ZNF286A: variants seen among roughly 807,000 people sequenced by gnomAD.
The protein encoded by ZNF286A is zinc finger protein ZNF286.
Under a neutral mutation model 49.3 loss-of-function variants are expected in ZNF286A, and 34 were observed. The ratio of observed to expected loss-of-function variants is 0.69; its 90% CI spans 0.52 to 0.92. ZNF286A has a LOEUF of 0.92. ZNF286A is among the 40% of genes least tolerant of loss of function. ZNF286A has a pLI of 0.00. For missense variants in ZNF286A, 462 were observed against 600.2 expected (o/e 0.77, Z 2.41); for synonymous variants, 155 against 200.4 (o/e 0.77, Z 1.91).
At chr17:15,709,858 T>C (rs1021324472) in intron 5 of ZNF286A, 9 of 1,547,446 alleles carry the variant, frequency 5.8e-6, no homozygotes, top group Non-Finnish European at 7.9e-6. Flanking sequence ...TATGTTCATC[T>C]TGAGAGCTGG....
rs1967146368 is a variant in ZNF286A, at chr17:15,717,807, C to A, written c.*517C>A. 6.4e-6 allele frequency: 1 copy of A among 156,378 alleles called. No homozygotes were observed. The highest frequency in any genetic ancestry group is 2.4e-5 in the African/African-American group (1 of 41,374). 9.7% of individuals were successfully genotyped at this position (156,378 alleles called of 1,614,324 possible). A position where few individuals can be genotyped will look rare whatever the true frequency, so the allele number is the denominator to read the frequency against. On this transcript the variant is annotated 3_prime_UTR_variant, in exon 6 of 6. Coordinates refer to ENST00000583566, the MANE Select transcript of ZNF286A (RefSeq NM_001130842.2). ...CCTTAAAAACCAAAAATGCTGGGTT[C>A]AAAGTCCTTAGAATTCCCTTCCTCC...
Position 15,716,860 on chromosome 17 carries a change from A to G in ZNF286A, c.1136A>G (p.Glu379Gly). The change falls in exon 6 of 6, where the codon GAG becomes GGG. Residue 379 changes from glutamate (E) to glycine (G), a missense_variant. Physicochemically the swap from Glu to Gly is moderately conservative, Grantham distance 98. Around this residue, in one of 3 missense-constraint regions of ZNF286A, gnomAD observed 201 missense variants for 311.3 expected, o/e 0.65. Transcript: ENST00000583566. ...AAACATCAAAGAACTCATACTGGAG[A>G]GAAACCTTATAAATGTCAAGAATGT... ...LIKHQRTHTG[E>G]KPYKCQECGK... is the part of the protein sequence containing the mutation. 2 of 1,607,890 alleles carry G rather than the reference A, an allele frequency of 1.2e-6. No individual in the cohort carries two copies. The highest frequency in any genetic ancestry group is 1.7e-6 in the Non-Finnish European group (2 of 1,177,514).
At chr17:15,712,486 A>G (rs1990746279) in intron 5 of ZNF286A, among the ~76,000 whole-genome samples, 1 of 152,198 alleles carries the variant, frequency 6.6e-6, no homozygotes, top group African/African-American at 2.4e-5. Context: ...ATAAGTCTAA[A>G]TTTCCCATCT....
rs374776604 is a variant in ZNF286A at position 15,707,432 on chromosome 17, T to TAA, written c.242-708_242-707dup. Among the ~76,000 whole-genome samples the TAA allele has an allele frequency of 1.3e-3, 166 of 131,868 alleles. 1 individual carries two copies. Among genetic ancestry groups the TAA allele is most frequent in the South Asian group, 5.5e-3 (23 of 4,206 alleles). The allele number at this position is 131,868 out of a possible 152,430, so 86.5% of individuals were successfully genotyped here. A position where few individuals can be genotyped will look rare whatever the true frequency, so the allele number is the denominator to read the frequency against. On this transcript the variant is annotated intron_variant, in intron 4 of 5. Transcript: ENST00000583566. The stretch of plus-strand genomic sequence containing the variant: ...TCCAGCCTTTTTGTAAGACTCTGTC[T>TAA]AAAAAAAAAAAAAAAATTAAAAAAG...
At chr17:15,706,312 A>G in intron 3 of ZNF286A, 75 bp from the exon 4 acceptor site, 1 of 1,237,776 alleles carries the variant, frequency 8.1e-7, no homozygotes, top group Middle Eastern at 1.9e-4. Flanking sequence ...CTTTTGCTCC[A>G]GGGCCAGCAG....
chr17:15,717,087 A>C lies in ZNF286A; in HGVS notation c.1363A>C (p.Lys455Gln), dbSNP rs900163213. 6.2e-7 allele frequency: 1 copy of C among 1,613,996 alleles called. No homozygotes were observed. The highest frequency in any genetic ancestry group is 1.7e-5 in the Admixed American group (1 of 60,002). ...KTFSRSSNFA[K>Q]HQRIHIGKKP... is the part of the protein sequence containing the mutation. ...CTTCAGCCGGAGCTCCAATTTTGCT[A>C]AACATCAAAGAATTCATATTGGAAA... is the stretch of plus-strand genomic sequence containing the variant. Residue 455 changes from lysine (K) to glutamine (Q), a missense_variant, in exon 6 of 6, where the codon AAA becomes CAA. Lys to Gln is a moderately conservative substitution (Grantham distance 53). Transcript: ENST00000583566.
chr17:15,711,231 A>T (rs765853806), intron 5 of ZNF286A: 8 of 151,952 alleles, frequency 5.3e-5, no homozygotes, highest in Non-Finnish European at 1.2e-4. Flanking sequence ...AATTTTTTAT[A>T]ATCTTTTTTT....
intron 3 of ZNF286A, among the ~76,000 whole-genome samples, chr17:15,705,586 G>A (rs1281855159): frequency 3.9e-5 from 6 of 152,008 alleles, no homozygotes; most frequent in Admixed American, 2.0e-4. Context: ...TTTTTGGAAT[G>A]TATTGAAATT....
At chr17:15,712,895 C>T (rs192461986) in intron 5 of ZNF286A, among the ~76,000 whole-genome samples, 20 of 152,246 alleles carry the variant, frequency 1.3e-4, no homozygotes, top group Admixed American at 9.8e-4. Flanking sequence ...TACTCATTAT[C>T]CCAACCTCAT....
chr17:15,712,145 T>A (rs1206644536), intron 5 of ZNF286A, among the ~76,000 whole-genome samples: 4 of 152,256 alleles, frequency 2.6e-5, no homozygotes, highest in African/African-American at 9.6e-5. Context: ...GTGCTGGGAT[T>A]ACAGGCGTGA....
chr17:15,709,927 T>C (rs1245295575), intron 5 of ZNF286A: 3 of 1,517,648 alleles, frequency 2.0e-6, no homozygotes, highest in Non-Finnish European at 2.7e-6. Context: ...TGTTTAGCTT[T>C]ACTAGGAACT....
intron 2 of ZNF286A, 198 bp downstream of exon 2, chr17:15,700,564 A>T: frequency 1.5e-6 from 1 of 657,542 alleles, no homozygotes; most frequent in East Asian, 2.7e-5. Flanking sequence ...CACACAGTGG[A>T]CCCTTCAAAG....
intron 3 of ZNF286A, chr17:15,704,579 C>T (rs1440976340): frequency 6.0e-5 from 97 of 1,614,078 alleles, no homozygotes; most frequent in Non-Finnish European, 8.2e-5. Context: ...TGTCGGATGC[C>T]CAGCTCAGCC....
chr17:15,714,915 T>C (rs866807773), intron 5 of ZNF286A, among the ~76,000 whole-genome samples: 31 of 152,156 alleles, frequency 2.0e-4, no homozygotes, highest in Middle Eastern at 6.8e-3. Context: ...CATGGCATCA[T>C]TGGAAAAACA....
In ZNF286A at chr17:15,718,908, A is replaced by C. The variant is rs1967224700; in HGVS notation, c.*1618A>C. The C allele has an allele frequency of 7.2e-6, 1 of 137,972 alleles. No homozygotes were observed. The highest frequency in any genetic ancestry group is 2.9e-5 in the African/African-American group (1 of 34,524). 8.5% of individuals were successfully genotyped at this position (137,972 alleles called of 1,614,324 possible). A position where few individuals can be genotyped will look rare whatever the true frequency, so the allele number is the denominator to read the frequency against. ...GCAAAGCCAGAGCAGGTATCTTCAC[A>C]GGGCTAGAGCAAGAGGAAAAGAGAG... On this transcript the variant is annotated 3_prime_UTR_variant, in exon 6 of 6. Transcript: ENST00000583566.
intron 3 of ZNF286A, chr17:15,704,728 C>T (rs1421394867): frequency 3.1e-6 from 5 of 1,613,804 alleles, no homozygotes; most frequent in Non-Finnish European, 4.2e-6. Flanking sequence ...GCGGAACAGA[C>T]CTCCAGCATA....
chr17:15,702,481 C>G (rs1438018495), intron 3 of ZNF286A, among the ~76,000 whole-genome samples: 2 of 149,232 alleles, frequency 1.3e-5, no homozygotes, highest in Non-Finnish European at 3.0e-5. Context: ...GGCTACTGCA[C>G]TCCAGCCTGG....
At chr17:15,715,261 C>CT (rs528506687) in intron 5 of ZNF286A, among the ~76,000 whole-genome samples, 170 of 150,558 alleles carry the variant, frequency 1.1e-3, no homozygotes, top group African/African-American at 3.5e-3. Context: ...ATTTGTACCC[C>CT]TTTTTTTTCT....
rs1397738606 is a variant in ZNF286A, at chr17:15,719,147, A to C, written c.*1857A>C. 8.2e-6 allele frequency: 1 copy of C among 122,468 alleles called. No homozygotes were observed. The highest frequency in any genetic ancestry group is 3.5e-5 in the African/African-American group (1 of 28,774). 7.6% of individuals were successfully genotyped at this position (122,468 alleles called of 1,614,324 possible). A position where few individuals can be genotyped will look rare whatever the true frequency, so the allele number is the denominator to read the frequency against. ...AAACTGTATCATTACTCAAAAAAAAAAAAAAAAAGAAAGAAAAGAAAACAC... is the reference window on the plus strand; with the variant it reads ...AAACTGTATCATTACTCAAAAAAAACAAAAAAAAGAAAGAAAAGAAAACAC... On this transcript the variant is annotated 3_prime_UTR_variant, in exon 6 of 6. Transcript: ENST00000583566.
Sources: allele counts gnomAD v4.1 joint callset (sites outside exome capture counted in the v4.1 genomes callset), GRCh38; gene constraint gnomAD v4.1.1; regional missense constraint gnomAD v4.1.1; transcripts MANE v1.5; gene names NCBI Gene and HGNC (gene_info 2026-07-23, HGNC 2026-07-21).